PPP3CA: variants seen among roughly 807,000 people sequenced by gnomAD.
PPP3CA encodes the protein protein phosphatase 3 catalytic subunit alpha.
PPP3CA carries 14 observed loss-of-function variants against 66.5 expected under a neutral mutation model. The observed-to-expected ratio is 0.21, with a 90% CI of 0.14 to 0.33. The LOEUF (loss-of-function observed/expected upper bound fraction) is 0.33. Ranked by LOEUF, PPP3CA falls within the 10% of genes least tolerant of loss-of-function variation. PPP3CA has a pLI of 1.00. For synonymous variants in PPP3CA, 232 were observed against 226.2 expected, an observed-to-expected ratio of 1.03 and a Z score of -0.23; for missense variants, 317 against 639.5, an observed-to-expected ratio of 0.50 and a Z score of 5.44.
chr4:101,125,009 C>T (rs1350342482), intron 2 of PPP3CA, among the ~76,000 whole-genome samples: 3 of 152,198 alleles, frequency 2.0e-5, no homozygotes, highest in Non-Finnish European at 2.9e-5. Context: ...ATATAATGTA[C>T]TTCAAATGAA....
intron 2 of PPP3CA, among the ~76,000 whole-genome samples, chr4:101,189,896 A>C (rs768418008): frequency 3.3e-5 from 5 of 152,062 alleles, no homozygotes; most frequent in Non-Finnish European, 5.9e-5. Flanking sequence ...GGAACCAGTC[A>C]GTGACTGGTA....
intron 1 of PPP3CA, among the ~76,000 whole-genome samples, chr4:101,263,731 A>AT: frequency 6.6e-6 from 1 of 152,190 alleles, no homozygotes; most frequent in African/African-American, 2.4e-5. Flanking sequence ...GGGTCTATTG[A>AT]TTAAATTGTC....
chr4:101,276,413 T>C (rs888147361), intron 1 of PPP3CA, among the ~76,000 whole-genome samples: 7 of 152,230 alleles, frequency 4.6e-5, no homozygotes, highest in African/African-American at 1.7e-4. Flanking sequence ...AAAAACTATA[T>C]TATTTTTTTC....
intron 1 of PPP3CA, among the ~76,000 whole-genome samples, chr4:101,338,519 A>C (rs922063617): frequency 2.0e-5 from 3 of 152,258 alleles, no homozygotes. Flanking sequence ...CTAGAGCTAA[A>C]GACACAAAAG....
chr4:101,048,476 A>G (rs1260868283), intron 10 of PPP3CA, among the ~76,000 whole-genome samples: 1 of 134,814 alleles, frequency 7.4e-6, no homozygotes, highest in African/African-American at 2.7e-5. Context: ...AGTGCAGTCA[A>G]TGTGAATCCA....
chr4:101,061,979 T>C (rs1466927504), intron 9 of PPP3CA, among the ~76,000 whole-genome samples: 1 of 152,088 alleles, frequency 6.6e-6, no homozygotes, highest in Non-Finnish European at 1.5e-5. Flanking sequence ...GAATTGAAGA[T>C]GAATGATAGA....
Position 101,321,502 on chromosome 4 carries a change from T to C in PPP3CA, c.58+25237A>G, listed in dbSNP as rs112691997. Among the ~76,000 whole-genome samples, 1,139 of 152,302 alleles carry C rather than the reference T, an allele frequency of 7.5e-3. 12 individuals carry two copies. The highest frequency in any genetic ancestry group is 0.026 in the African/African-American group (1,088 of 41,564). ...AGCAGAGACCAAAAAGTCTATCAGATGAGAATGAATGTCATTCCATCTTCG... is the reference window on the plus strand; with the variant it reads ...AGCAGAGACCAAAAAGTCTATCAGACGAGAATGAATGTCATTCCATCTTCG... On this transcript the variant is annotated intron_variant, in intron 1 of 13. Transcript: ENST00000394854.
Position 101,196,001 on chromosome 4 carries a change from C to T in PPP3CA, c.174G>A (p.Glu58=). 6.2e-7 allele frequency: 1 copy of T among 1,614,110 alleles called. No homozygotes were observed. The change falls in exon 2 of 14, where the codon GAG becomes GAA. Residue 58 remains glutamate (E), a synonymous_variant. Transcript: ENST00000394854. ...CTGTTATTATTCTCAATGCAACACT[C>T]TCTTCCAGCCTTCCCTCCTTCATAA... ...AHLMKEGRLE[E]SVALRIITEG...
chr4:101,279,783 T>C (rs1727622654), intron 1 of PPP3CA, among the ~76,000 whole-genome samples: 1 of 152,102 alleles, frequency 6.6e-6, no homozygotes, highest in Non-Finnish European at 1.5e-5. Flanking sequence ...CCAAGAGAAG[T>C]TCAGAGAAGA....
In PPP3CA at chr4:101,106,453, GAGAAAAGAAAAGAAAA is replaced by G. The variant is rs1175436189; in HGVS notation, c.384+2485_384+2500del. On this transcript the variant is annotated intron_variant, in intron 3 of 13. Coordinates refer to ENST00000394854, the MANE Select transcript of PPP3CA (RefSeq NM_000944.5). ...AGAAAGAAAGAAAGAAAGAAAGAAA[GAGAAAAGAAAAGAAAA>G]GAAAAGAAAAGAAAAGAAAAGAAAA... Among the ~76,000 whole-genome samples, 49 of 35,518 alleles carry G rather than the reference GAGAAAAGAAAAGAAAA, an allele frequency of 1.4e-3. 16 individuals carry two copies. Among genetic ancestry groups the G allele is most frequent in the African/African-American group, 7.0e-3 (49 of 6,988 alleles). The allele number at this position is 35,518 out of a possible 152,430, so 23.3% of individuals were successfully genotyped here.
intron 1 of PPP3CA, among the ~76,000 whole-genome samples, chr4:101,260,423 A>G (rs889388742): frequency 1.3e-5 from 2 of 152,190 alleles, no homozygotes; most frequent in African/African-American, 4.8e-5. Context: ...ATGACCTGAT[A>G]AAATCATTCC....
intron 1 of PPP3CA, among the ~76,000 whole-genome samples, chr4:101,306,302 C>T (rs1338455862): frequency 6.6e-6 from 1 of 152,082 alleles, no homozygotes; most frequent in Non-Finnish European, 1.5e-5. Flanking sequence ...CAACTTTCAC[C>T]CTACACCCCT....
At chr4:101,196,733 A>G (rs910954404) in intron 1 of PPP3CA, among the ~76,000 whole-genome samples, 1 of 152,244 alleles carries the variant, frequency 6.6e-6, no homozygotes, top group African/African-American at 2.4e-5. Flanking sequence ...AAAGATCAGG[A>G]TGTCAGGGAC....
intron 1 of PPP3CA, among the ~76,000 whole-genome samples, chr4:101,286,930 G>A (rs1455150909): frequency 4.6e-5 from 7 of 151,794 alleles, no homozygotes; most frequent in Middle Eastern, 3.2e-3. Flanking sequence ...ATCAGTTTTC[G>A]ACAGCTGGGA....
intron 13 of PPP3CA, among the ~76,000 whole-genome samples, chr4:101,027,401 A>G (rs1302381918): frequency 6.6e-6 from 1 of 152,210 alleles, no homozygotes; most frequent in Non-Finnish European, 1.5e-5. Flanking sequence ...AAAGATGAGA[A>G]ATAGTTTTTC....
At chr4:101,081,802 C>A (rs916455564) in intron 7 of PPP3CA, among the ~76,000 whole-genome samples, 3 of 152,104 alleles carry the variant, frequency 2.0e-5, no homozygotes, top group Non-Finnish European at 4.4e-5. Flanking sequence ...TTGAAATGTT[C>A]TAAAAGTATG....
Position 101,063,239 on chromosome 4 carries a change from C to G in PPP3CA, c.1074G>C (p.Gly358=). Residue 358 remains glycine, a synonymous_variant, in exon 9 of 14, where the codon GGG becomes GGC. Transcript: ENST00000394854. ...DVFTWSLPFV[G]EKVTEMLVNV... ...CAGGATTCCACAACATACCTTTTTC[C>G]CCAACAAATGGAAGGGACCAAGTAA... is the stretch of plus-strand genomic sequence containing the variant. The G allele has an allele frequency of 6.2e-7, 1 of 1,609,970 alleles. No individual in the cohort carries two copies.
chr4:101,336,782 A>C (rs1022928394), intron 1 of PPP3CA, among the ~76,000 whole-genome samples: 11 of 152,142 alleles, frequency 7.2e-5, no homozygotes, highest in African/African-American at 2.7e-4. Flanking sequence ...TATATGGAAT[A>C]GGGAGCTGCC....
intron 2 of PPP3CA, among the ~76,000 whole-genome samples, chr4:101,118,879 C>G (rs1721931880): frequency 1.3e-5 from 2 of 150,706 alleles, no homozygotes; most frequent in Admixed American, 6.6e-5. Flanking sequence ...TAAATTATGA[C>G]TTGTGTAACT....
Sources: allele counts gnomAD v4.1 joint callset (sites outside exome capture counted in the v4.1 genomes callset), GRCh38; gene constraint gnomAD v4.1.1; transcripts MANE v1.5; gene names NCBI Gene and HGNC (gene_info 2026-07-23, HGNC 2026-07-21).